The following KCNQ1 variants were observed in gnomAD, a reference collection of about 807,000 sequenced individuals.
KCNQ1 encodes potassium voltage-gated channel subfamily Q member 1, also known as potassium voltage-gated channel subfamily KQT member 1.
In KCNQ1, 49 loss-of-function variants were observed where a neutral mutation model predicts 72.4. The observed-to-expected ratio is 0.68, with a 90% confidence interval of 0.54 to 0.86. The LOEUF (loss-of-function observed/expected upper bound fraction) is 0.86, where lower values mean the gene tolerates loss of function less well. KCNQ1 is among the 40% of genes least tolerant of loss of function. KCNQ1 has a pLI of 0.00. For missense variants in KCNQ1, 790 were observed against 945.1 expected (o/e 0.84, Z 2.15); for synonymous variants, 450 against 412.6 (o/e 1.09, Z -1.10).
chr11:2,663,868 C>A lies in KCNQ1; in HGVS notation c.1514+1787C>A. 2 of 398,686 alleles carry A rather than the reference C, an allele frequency of 5.0e-6. No homozygotes were observed. The highest frequency in any genetic ancestry group is 8.8e-6 in the Non-Finnish European group (2 of 226,118). 24.7% of individuals were successfully genotyped at this position (398,686 alleles called of 1,614,324 possible). A position where few individuals can be genotyped will look rare whatever the true frequency, so the allele number is the denominator to read the frequency against. The stretch of plus-strand genomic sequence containing the variant: ...GCTCCCTGGAGCCAGAGGTTACCCA[C>A]CTGCCCAAGGGTGACCCCAAGCCAG... On this transcript the variant is annotated intron_variant, in intron 11 of 15. Transcript: ENST00000155840. This position sits in a 1 kb window ranked among gnomAD's most constrained non-coding sequence, Gnocchi z 5.2.
chr11:2,480,208 C>T (rs1426046674), intron 1 of KCNQ1, among the ~76,000 whole-genome samples: 1 of 152,172 alleles, frequency 6.6e-6, no homozygotes, highest in Non-Finnish European at 1.5e-5. Context: ...TACCCAGTTC[C>T]AAAGTTGCTT....
intron 15 of KCNQ1, among the ~76,000 whole-genome samples, chr11:2,819,127 A>T (rs1199911497): frequency 6.6e-6 from 1 of 152,214 alleles, no homozygotes; most frequent in Non-Finnish European, 1.5e-5. Context: ...TCATTCATTC[A>T]TTCAACAAGT....
In KCNQ1 at chr11:2,495,932, T is replaced by G. The variant is rs1209896492; in HGVS notation, c.387-31996T>G. 2.0e-5 allele frequency among the ~76,000 whole-genome samples: 3 copies of G among 152,318 alleles called. No individual in the cohort carries two copies. Among genetic ancestry groups the G allele is most frequent in the East Asian group, 3.9e-4 (2 of 5,180 alleles). ...TCATTGATCTGTCTAATATTGACAG[T>G]GGAGTGTTAAAGTCTCGCACTGTTA... On this transcript the variant is annotated intron_variant, in intron 1 of 15. Coordinates refer to ENST00000155840, the MANE Select transcript of KCNQ1 (RefSeq NM_000218.3). The surrounding 1 kb of genome is among the most constrained non-coding windows in gnomAD (Gnocchi z 4.6).
intron 10 of KCNQ1, chr11:2,619,719 T>G (rs1407942522): frequency 7.5e-6 from 3 of 398,310 alleles, no homozygotes; most frequent in Non-Finnish European, 1.3e-5. Context: ...TGCATTTTTT[T>G]TTTTTTGGAA....
rs1041555077 is a variant in KCNQ1 at position 2,563,898 on chromosome 11, T to C, written c.478-6730T>C. 1.3e-5 allele frequency among the ~76,000 whole-genome samples: 2 copies of C among 152,212 alleles called. No homozygotes were observed. Among genetic ancestry groups the C allele is most frequent in the African/African-American group, 4.8e-5 (2 of 41,450 alleles). On this transcript the variant is annotated intron_variant, in intron 2 of 15. Transcript: ENST00000155840. The surrounding 1 kb of genome is among the most constrained non-coding windows in gnomAD (Gnocchi z 7.4). Reference sequence around the variant, plus strand: ...ATTTCGTTGAATGCTGAACTAACAATAGTCAGTGAAGATTAAGAACTAAAG... The same window carrying C: ...ATTTCGTTGAATGCTGAACTAACAACAGTCAGTGAAGATTAAGAACTAAAG...
chr11:2,644,317 A>G (rs1849631375), intron 10 of KCNQ1: 1 of 398,246 alleles, frequency 2.5e-6, no homozygotes, highest in Admixed American at 4.4e-5. Context: ...CAAAAGACTT[A>G]TCTTCAAGGT....
rs1430581773 is a variant in KCNQ1, at chr11:2,490,782, G to A, written c.387-37146G>A. On this transcript the variant is annotated intron_variant, in intron 1 of 15. Transcript: ENST00000155840. ...CAGCTCACCGCAACCTCTGTCTCCCGGGTTTAAGCGATTCTCCTGCCTCAG... is the reference window on the plus strand; with the variant it reads ...CAGCTCACCGCAACCTCTGTCTCCCAGGTTTAAGCGATTCTCCTGCCTCAG... 3.9e-5 allele frequency among the ~76,000 whole-genome samples: 6 copies of A among 152,244 alleles called. No homozygotes were observed. The South Asian group carries it at 6.2e-4, about 16-fold the overall frequency.
intron 11 of KCNQ1, among the ~76,000 whole-genome samples, chr11:2,722,559 C>A (rs1286444254): frequency 6.6e-6 from 1 of 152,142 alleles, no homozygotes; most frequent in Non-Finnish European, 1.5e-5. Context: ...TGGTGGGTCC[C>A]ACTGAAGCTG....
chr11:2,507,062 A>G lies in KCNQ1; in HGVS notation c.387-20866A>G. Among the ~76,000 whole-genome samples the G allele has an allele frequency of 6.6e-6, 1 of 152,130 alleles. No homozygotes were observed. The highest frequency in any genetic ancestry group is 1.9e-4 in the East Asian group (1 of 5,190). ...ATGAGAAATTTCGCATGTTTATATC[A>G]TCAAATTTATCATGCTTCTTTCTAC... is the stretch of plus-strand genomic sequence containing the variant. On this transcript the variant is annotated intron_variant, in intron 1 of 15. Transcript: ENST00000155840. This position sits in a 1 kb window ranked among gnomAD's most constrained non-coding sequence, Gnocchi z 5.4.
rs1027987620 is a variant in KCNQ1 at position 2,593,964 on chromosome 11, G to A, written c.1393+5110G>A. ...GGTGCTCCAGATCCTACTGCCTCCT[G>A]CCGTTTCCTGGGCCTTTGTTGCCCA... is the stretch of plus-strand genomic sequence containing the variant. On this transcript the variant is annotated intron_variant, in intron 10 of 15. Coordinates refer to ENST00000155840, the MANE Select transcript of KCNQ1 (RefSeq NM_000218.3). The surrounding 1 kb of genome is among the most constrained non-coding windows in gnomAD (Gnocchi z 6.9). 3.9e-5 allele frequency among the ~76,000 whole-genome samples: 6 copies of A among 152,184 alleles called. No individual in the cohort carries two copies. Among genetic ancestry groups the A allele is most frequent in the Non-Finnish European group, 7.3e-5 (5 of 68,032 alleles).
chr11:2,648,981 CTTTTT>C, intron 10 of KCNQ1: 1,591 of 296,856 alleles, frequency 5.4e-3, no homozygotes, highest in South Asian at 6.2e-3. Context: ...TTTTCTTTTT[CTTTTT>C]TTTTTTTTTT....
At chr11:2,696,450 C>T (rs463924) in intron 11 of KCNQ1, 149,650 of 398,410 alleles carry the variant, frequency 0.38, 32,246 homozygotes, top group East Asian at 0.83. Flanking sequence ...GCCTCTGTCA[C>T]CACACCGCTC....
chr11:2,546,631 AT>A (rs147625823), intron 2 of KCNQ1, among the ~76,000 whole-genome samples: 1 of 149,512 alleles, frequency 6.7e-6, no homozygotes, highest in African/African-American at 2.5e-5. Context: ...TGTTTAATGT[AT>A]TTTATTTTTT....
chr11:2,717,313 A>G (rs938439205), intron 11 of KCNQ1, among the ~76,000 whole-genome samples: 3 of 152,182 alleles, frequency 2.0e-5, no homozygotes, highest in African/African-American at 4.8e-5. Flanking sequence ...CCCCAGAGTG[A>G]GAGCCTCGAC....
chr11:2,713,993 G>T lies in KCNQ1; in HGVS notation c.1514+51912G>T, dbSNP rs1265575422. Among the ~76,000 whole-genome samples, 1 of 152,202 alleles carries T rather than the reference G, an allele frequency of 6.6e-6. No individual in the cohort carries two copies. The highest frequency in any genetic ancestry group is 2.4e-5 in the African/African-American group (1 of 41,458). On this transcript the variant is annotated intron_variant, in intron 11 of 15. Transcript: ENST00000155840. The surrounding 1 kb of genome is among the most constrained non-coding windows in gnomAD (Gnocchi z 5.6). Reference sequence around the variant, plus strand: ...AGCTCCAGGTGGCTGCCACTCAGGGGTGTGTGGGGGGCGCCTTGGGGCACC... The same window carrying T: ...AGCTCCAGGTGGCTGCCACTCAGGGTTGTGTGGGGGGCGCCTTGGGGCACC...
rs139254707 is a variant in KCNQ1, at chr11:2,457,910, C to T, written c.386+12426C>T. 1.6e-4 allele frequency among the ~76,000 whole-genome samples: 25 copies of T among 151,968 alleles called. No homozygotes were observed. Among genetic ancestry groups the T allele is most frequent in the African/African-American group, 5.6e-4 (23 of 41,408 alleles). On this transcript the variant is annotated intron_variant, in intron 1 of 15. Transcript: ENST00000155840. This position sits in a 1 kb window ranked among gnomAD's most constrained non-coding sequence, Gnocchi z 5.0. ...GACTATCAGTATGCATCCAGGATGA[C>T]GTTTACTTAAATATCTCTGTTTCCT...
chr11:2,742,873 G>A (rs954692585), intron 11 of KCNQ1, among the ~76,000 whole-genome samples: 5 of 152,192 alleles, frequency 3.3e-5, no homozygotes, highest in Non-Finnish European at 5.9e-5. Context: ...AGGAAATCCA[G>A]TGCTCCGAGC....
At position 2,620,169 on chromosome 11, in the gene KCNQ1, T is replaced by C. The variant is rs1433353604; in HGVS notation, c.1393+31315T>C. 3.5e-5 allele frequency: 14 copies of C among 395,888 alleles called. No individual in the cohort carries two copies. In the East Asian group the frequency reaches 3.9e-4, roughly 11 times the overall value. 24.5% of individuals were successfully genotyped at this position (395,888 alleles called of 1,614,324 possible). ...AGATAGTGGCCTCTAGCTGCATCCA[T>C]GTTGCTGCAAAGGACGTAAGTTCAT... On this transcript the variant is annotated intron_variant, in intron 10 of 15. Transcript: ENST00000155840. The surrounding 1 kb of genome is among the most constrained non-coding windows in gnomAD (Gnocchi z 4.5).
rs975421351 is a variant in KCNQ1 at position 2,697,619 on chromosome 11, A to C, written c.1514+35538A>C. On this transcript the variant is annotated intron_variant, in intron 11 of 15. Coordinates refer to ENST00000155840, the MANE Select transcript of KCNQ1 (RefSeq NM_000218.3). ...TATCACATCATTTTTTTCTGCCTCT[A>C]TTGAGGGAACCATATGGTTTTTCTC... is the stretch of plus-strand genomic sequence containing the variant. 6 of 398,554 alleles carry C rather than the reference A, an allele frequency of 1.5e-5. No homozygotes were observed. In the East Asian group the frequency reaches 2.1e-4, roughly 14 times the overall value. 24.7% of individuals were successfully genotyped at this position (398,554 alleles called of 1,614,324 possible).
Sources: gnomAD v4.1 joint callset for allele counts (sites outside exome capture counted in the v4.1 genomes callset) on GRCh38, gnomAD v4.1.1 for gene constraint, Gnocchi (gnomAD v3.1) non-coding constraint, MANE v1.5 for transcripts, NCBI Gene and HGNC (gene_info 2026-07-23, HGNC 2026-07-21) for gene names.